The following NPEPL1 variants were observed in gnomAD, a reference collection of about 807,000 sequenced individuals.
NPEPL1 encodes probable aminopeptidase NPEPL1.
NPEPL1 carries 45 observed loss-of-function variants against 52.4 expected under a neutral mutation model. The observed-to-expected ratio is 0.86, with a 90% CI of 0.68 to 1.10. The LOEUF (loss-of-function observed/expected upper bound fraction) is 1.10, where lower values mean the gene tolerates loss of function less well. NPEPL1 is among the 50% of genes least tolerant of loss of function. NPEPL1 has a pLI of 0.00. For missense variants in NPEPL1, 696 were observed against 710.9 expected, an observed-to-expected ratio of 0.98 and a Z score of 0.24; for synonymous variants, 360 against 314.7, an observed-to-expected ratio of 1.14 and a Z score of -1.52.
intron 3 of NPEPL1, among the ~76,000 whole-genome samples, chr20:58,696,857 T>A (rs1377412165): frequency 6.6e-6 from 1 of 152,100 alleles, no homozygotes; most frequent in Non-Finnish European, 1.5e-5. Context: ...CCCACGACAT[T>A]GAGTGGCTCA....
At position 58,692,816 on chromosome 20, in the gene NPEPL1, C is replaced by G; in HGVS notation, c.-85C>G. The stretch of plus-strand genomic sequence containing the variant: ...CTGCCGGGCAGGGCCGGGGCGGTGC[C>G]GAGGCCGGGCCGGAGCGGGGCGAAG... On this transcript the variant is annotated 5_prime_UTR_variant, in exon 1 of 12. Transcript: ENST00000356091. This position sits in a 1 kb window ranked among gnomAD's most constrained non-coding sequence, Gnocchi z 5.7. 3 of 974,984 alleles carry G rather than the reference C, an allele frequency of 3.1e-6. No individual in the cohort carries two copies. The highest frequency in any genetic ancestry group is 2.4e-6 in the Non-Finnish European group (2 of 823,352). The allele number at this position is 974,984 out of a possible 1,614,324, so 60.4% of individuals were successfully genotyped here. A position where few individuals can be genotyped will look rare whatever the true frequency, so the allele number is the denominator to read the frequency against.
chr20:58,707,002 CCAG>C, intron 6 of NPEPL1, 118 bp from the exon 7 acceptor site: 1 of 1,041,794 alleles, frequency 9.6e-7, no homozygotes, highest in Non-Finnish European at 1.5e-6. Context: ...TGGGGGCTGC[CCAG>C]GCCTGAGAGC....
chr20:58,708,492 C>A (rs1444255270), intron 7 of NPEPL1, among the ~76,000 whole-genome samples: 2 of 151,870 alleles, frequency 1.3e-5, no homozygotes, highest in African/African-American at 4.9e-5. Flanking sequence ...GAGCACACAG[C>A]TGGGGCTGTA....
At chr20:58,714,989 C>G (rs2084924720) in intron 11 of NPEPL1, 179 bp from the exon 12 acceptor site, 1 of 733,822 alleles carries the variant, frequency 1.4e-6, no homozygotes, top group East Asian at 2.7e-5. Context: ...CCTGCCAGCC[C>G]TGAACGTGTC....
At position 58,713,284 on chromosome 20, in the gene NPEPL1, C is replaced by A; in HGVS notation, c.1002-136C>A. ...GGGACTGGGGGCATCCCGGCCTTCC[C>A]ATTCAGGGAACGTGTTGGGGTTCGG... On this transcript the variant is annotated intron_variant, in intron 8 of 11. Transcript: ENST00000356091. This position sits in a 1 kb window ranked among gnomAD's most constrained non-coding sequence, Gnocchi z 4.6. The A allele has an allele frequency of 8.4e-7, 1 of 1,191,746 alleles. No homozygotes were observed. Among genetic ancestry groups the A allele is most frequent in the Non-Finnish European group, 1.2e-6 (1 of 865,252 alleles). 73.8% of individuals were successfully genotyped at this position (1,191,746 alleles called of 1,614,324 possible). A position where few individuals can be genotyped will look rare whatever the true frequency, so the allele number is the denominator to read the frequency against.
upstream of NPEPL1, chr20:58,692,735 G>A (rs1352566991): frequency 1.7e-5 from 14 of 843,034 alleles, no homozygotes; most frequent in Non-Finnish European, 2.0e-5. This position sits in a 1 kb window ranked among gnomAD's most constrained non-coding sequence, Gnocchi z 5.7. Flanking sequence ...CGCCCCGGGC[G>A]GGCCCTGCAC....
At chr20:58,699,060 C>T (rs1217912253) in intron 4 of NPEPL1, 137 bp from the exon 5 acceptor site, 29 of 799,828 alleles carry the variant, frequency 3.6e-5, no homozygotes, top group Non-Finnish European at 5.5e-5. Flanking sequence ...TTTCATCACA[C>T]GCGAAGCTGG....
chr20:58,691,871 TCCC>T (rs759384139), upstream of NPEPL1: 1 of 1,192,716 alleles, frequency 8.4e-7, no homozygotes, highest in South Asian at 1.3e-5. Context: ...GGGTGGAGCT[TCCC>T]CAATGCATCG....
At chr20:58,697,141 T>G (rs1363862165) in intron 3 of NPEPL1, among the ~76,000 whole-genome samples, 1 of 152,150 alleles carries the variant, frequency 6.6e-6, no homozygotes, top group Non-Finnish European at 1.5e-5. Context: ...ATTCTCAGAG[T>G]CTTGCACGAT....
chr20:58,705,916 C>A (rs2084726268), intron 6 of NPEPL1, among the ~76,000 whole-genome samples: 1 of 152,148 alleles, frequency 6.6e-6, no homozygotes, highest in Admixed American at 6.5e-5. Context: ...TTCAGTAGTA[C>A]AAGATGGGTC....
Position 58,713,817 on chromosome 20 carries a change from G to T in NPEPL1, c.1126-100G>T, listed in dbSNP as rs189679203. On this transcript the variant is annotated intron_variant, in intron 9 of 11. Coordinates refer to ENST00000356091, the MANE Select transcript of NPEPL1 (RefSeq NM_024663.4). The surrounding 1 kb of genome is among the most constrained non-coding windows in gnomAD (Gnocchi z 4.6). ...TTTTTTCTCAACCGTCTCTTTTCTGGCTCCCTTATTTCTCTGTCTGCCTCC... is the reference window on the plus strand; with the variant it reads ...TTTTTTCTCAACCGTCTCTTTTCTGTCTCCCTTATTTCTCTGTCTGCCTCC... 128 of 1,279,818 alleles carry T rather than the reference G, an allele frequency of 1.0e-4. No individual in the cohort carries two copies. In the African/African-American group the frequency reaches 1.9e-3, roughly 19 times the overall value. 79.3% of individuals were successfully genotyped at this position (1,279,818 alleles called of 1,614,324 possible).
chr20:58,695,000 G>T (rs1044908329), intron 3 of NPEPL1, among the ~76,000 whole-genome samples: 2 of 146,410 alleles, frequency 1.4e-5, no homozygotes, highest in Non-Finnish European at 1.5e-5. Flanking sequence ...GGGGGTGTGT[G>T]TGTGCATGTG....
chr20:58,693,164 C>A, intron 1 of NPEPL1, 114 bp downstream of exon 1: 6 of 746,922 alleles, frequency 8.0e-6, no homozygotes, highest in Non-Finnish European at 9.8e-6. Context: ...CCGGGCCCAA[C>A]GAGGCCGGGC....
In NPEPL1 at chr20:58,713,802, A is replaced by G. The variant is rs1207354542; in HGVS notation, c.1126-115A>G. 1.6e-6 allele frequency: 2 copies of G among 1,231,488 alleles called. No individual in the cohort carries two copies. Among genetic ancestry groups the G allele is most frequent in the Non-Finnish European group, 2.1e-6 (2 of 934,336 alleles). The allele number at this position is 1,231,488 out of a possible 1,614,324, so 76.3% of individuals were successfully genotyped here. On this transcript the variant is annotated intron_variant, in intron 9 of 11. Coordinates refer to ENST00000356091, the MANE Select transcript of NPEPL1 (RefSeq NM_024663.4). This position sits in a 1 kb window ranked among gnomAD's most constrained non-coding sequence, Gnocchi z 4.6. The stretch of plus-strand genomic sequence containing the variant: ...GCCTGTGTTTTTTCTTTTTTTCTCA[A>G]CCGTCTCTTTTCTGGCTCCCTTATT...
intron 3 of NPEPL1, among the ~76,000 whole-genome samples, chr20:58,698,459 G>A (rs1039377105): frequency 4.6e-5 from 7 of 152,126 alleles, no homozygotes; most frequent in Non-Finnish European, 1.0e-4. Flanking sequence ...GAGGCGCAGG[G>A]TGGTGGCTGT....
At chr20:58,699,080 C>T in intron 4 of NPEPL1, 117 bp from the exon 5 acceptor site, 2 of 970,502 alleles carry the variant, frequency 2.1e-6, no homozygotes, top group Non-Finnish European at 3.2e-6. Context: ...GCTCCCAAGC[C>T]CGGCTCCCCG....
rs1397594616 is a variant in NPEPL1 at position 58,701,063 on chromosome 20, G to A, written c.727G>A (p.Val243Ile). ...KAALHPPALA[V>I]LSHTPDGATQ... ...CGCCCTGCATCCCCCAGCCCTGGCC[G>A]TCCTCAGCCACACCCCAGATGGAGC... The change falls in exon 6 of 12, where the codon GTC becomes ATC. Residue 243 changes from valine (V) to isoleucine (I), a missense_variant. By Grantham distance (29) the Val-to-Ile change is conservative. Transcript: ENST00000356091. 1.0e-5 allele frequency: 16 copies of A among 1,595,142 alleles called. 1 individual carries two copies. The highest frequency in any genetic ancestry group is 1.7e-4 in the Middle Eastern group (1 of 6,056).
At chr20:58,708,423 T>A (rs772380318) in intron 7 of NPEPL1, among the ~76,000 whole-genome samples, 34 of 152,036 alleles carry the variant, frequency 2.2e-4, no homozygotes, top group Non-Finnish European at 3.8e-4. Context: ...GGCCCTCACC[T>A]GTGCTCTGCA....
chr20:58,695,040 C>CG (rs1568847572), intron 3 of NPEPL1, among the ~76,000 whole-genome samples: 658 of 5,354 alleles, frequency 0.12, 3 homozygotes, highest in South Asian at 0.15. Context: ...GTATGTGTTG[C>CG]TGTGTATGTT....
Sources: allele counts gnomAD v4.1 joint callset (sites outside exome capture counted in the v4.1 genomes callset), GRCh38; gene constraint gnomAD v4.1.1; non-coding constraint Gnocchi (gnomAD v3.1); transcripts MANE v1.5; gene names NCBI Gene and HGNC (gene_info 2026-07-23, HGNC 2026-07-21).